Variants in CADPS2 observed in about 807,000 individuals in gnomAD.
CADPS2 encodes the protein calcium dependent secretion activator 2.
Under a neutral mutation model 172.5 loss-of-function variants are expected in CADPS2, and 93 were observed. The ratio of observed to expected loss-of-function variants is 0.54; its 90% CI spans 0.46 to 0.64. The LOEUF (loss-of-function observed/expected upper bound fraction) is 0.64, where lower values mean the gene tolerates loss of function less well. Ranked by LOEUF, CADPS2 falls within the 30% of genes least tolerant of loss-of-function variation. The pLI is 0.00. For synonymous variants in CADPS2, 546 were observed against 555.2 expected, an observed-to-expected ratio of 0.98 and a Z score of 0.23; for missense variants, 1,420 against 1,565.9, an observed-to-expected ratio of 0.91 and a Z score of 1.57.
At chr7:122,671,362 G>A (rs2081834753) in intron 2 of CADPS2, among the ~76,000 whole-genome samples, 1 of 152,170 alleles carries the variant, frequency 6.6e-6, no homozygotes, top group Non-Finnish European at 1.5e-5. Context: ...CCATGCACAT[G>A]TATAATTTAA....
At chr7:122,777,986 G>A (rs916927617) in intron 1 of CADPS2, among the ~76,000 whole-genome samples, 2 of 152,096 alleles carry the variant, frequency 1.3e-5, no homozygotes, top group African/African-American at 4.8e-5. Context: ...TAGTTCAGAG[G>A]GGTCAGAAGA....
chr7:122,828,550 G>C (rs890136132), intron 1 of CADPS2, among the ~76,000 whole-genome samples: 22 of 151,954 alleles, frequency 1.4e-4, no homozygotes, highest in African/African-American at 5.1e-4. Flanking sequence ...TACAATTTTT[G>C]TTTCAATAAA....
At chr7:122,596,814 A>G (rs1014108402) in intron 6 of CADPS2, among the ~76,000 whole-genome samples, 13 of 152,106 alleles carry the variant, frequency 8.5e-5, no homozygotes, top group Non-Finnish European at 1.9e-4. Context: ...GTTCCTTTAT[A>G]GCAACACAAA....
intron 3 of CADPS2, among the ~76,000 whole-genome samples, chr7:122,661,265 G>A (rs1244774305): frequency 2.6e-5 from 4 of 152,110 alleles, no homozygotes; most frequent in African/African-American, 9.7e-5. Context: ...TGTTGTTCAG[G>A]CCAACTCTGA....
chr7:122,590,335 T>C (rs1445141970), intron 6 of CADPS2, among the ~76,000 whole-genome samples: 2 of 151,948 alleles, frequency 1.3e-5, no homozygotes, highest in East Asian at 3.9e-4. Flanking sequence ...TATGGTCAAA[T>C]GTAATGCATA....
In CADPS2 at chr7:122,596,513, G is replaced by C. The variant is rs1325606671; in HGVS notation, c.1224-15223C>G. Among the ~76,000 whole-genome samples the C allele has an allele frequency of 7.2e-5, 11 of 152,218 alleles. No homozygotes were observed. The East Asian group carries it at 1.7e-3, about 24-fold the overall frequency. ...ACAGACTCTGGCCTTCGTGACTCGG[G>C]CTTGTGTTAAAAGGAAAAGCGTGAA... On this transcript the variant is annotated intron_variant, in intron 6 of 29. Coordinates refer to ENST00000449022, the MANE Select transcript of CADPS2 (RefSeq NM_017954.11).
At chr7:122,581,826 T>C (rs896542286) in intron 6 of CADPS2, among the ~76,000 whole-genome samples, 10 of 152,160 alleles carry the variant, frequency 6.6e-5, no homozygotes, top group African/African-American at 1.9e-4. Flanking sequence ...ATATGCATCA[T>C]AAGAATCTGA....
intron 17 of CADPS2, chr7:122,427,393 C>G (rs1201038190): frequency 6.6e-6 from 1 of 152,040 alleles, no homozygotes; most frequent in East Asian, 1.9e-4. Flanking sequence ...GGAAAATCAT[C>G]TAAGAAGTGA....
intron 6 of CADPS2, among the ~76,000 whole-genome samples, chr7:122,588,304 T>C (rs1163385210): frequency 1.3e-5 from 2 of 152,068 alleles, no homozygotes; most frequent in East Asian, 3.9e-4. Flanking sequence ...ATTGCCTACA[T>C]TTTCTTCTAG....
chr7:122,560,352 A>G (rs949455541), intron 7 of CADPS2, among the ~76,000 whole-genome samples: 3 of 152,184 alleles, frequency 2.0e-5, no homozygotes, highest in East Asian at 3.9e-4. Flanking sequence ...GTGTTTTGCT[A>G]AGCGTGTGTT....
At chr7:122,531,585 C>G (rs1369567281) in intron 8 of CADPS2, among the ~76,000 whole-genome samples, 1 of 152,168 alleles carries the variant, frequency 6.6e-6, no homozygotes, top group African/African-American at 2.4e-5. Context: ...TAAAACTGGT[C>G]TCAGTTGAGT....
chr7:122,760,277 C>T (rs1733780313), intron 1 of CADPS2, among the ~76,000 whole-genome samples: 1 of 151,848 alleles, frequency 6.6e-6, no homozygotes, highest in Non-Finnish European at 1.5e-5. Flanking sequence ...ACAGCAATCC[C>T]CAATTATAAA....
intron 2 of CADPS2, among the ~76,000 whole-genome samples, chr7:122,679,286 T>G (rs529495855): frequency 5.2e-5 from 4 of 77,398 alleles, no homozygotes; most frequent in East Asian, 4.6e-4. Context: ...GGCTCTAAAA[T>G]GGCCACCCTG....
chr7:122,598,957 C>T (rs1037199747), intron 6 of CADPS2, among the ~76,000 whole-genome samples: 1 of 151,898 alleles, frequency 6.6e-6, no homozygotes, highest in Admixed American at 6.6e-5. Flanking sequence ...TTACTGAAGC[C>T]CTCTGGGGAA....
intron 8 of CADPS2, among the ~76,000 whole-genome samples, chr7:122,553,808 G>C (rs1204309935): frequency 6.6e-6 from 1 of 152,110 alleles, no homozygotes; most frequent in African/African-American, 2.4e-5. Flanking sequence ...TCCATAGTAA[G>C]AAAAATGGCC....
chr7:122,814,950 A>G (rs1202732177), intron 1 of CADPS2, among the ~76,000 whole-genome samples: 2 of 152,102 alleles, frequency 1.3e-5, no homozygotes, highest in Non-Finnish European at 2.9e-5. Flanking sequence ...GTTTACTATA[A>G]CAAGCTGTGT....
intron 1 of CADPS2, among the ~76,000 whole-genome samples, chr7:122,867,251 T>A (rs2141407118): frequency 6.6e-6 from 1 of 152,250 alleles, no homozygotes; most frequent in East Asian, 1.9e-4. Context: ...AATATAAGCT[T>A]CAAAAGGGCT....
chr7:122,881,600 A>G (rs1000454228), intron 1 of CADPS2, among the ~76,000 whole-genome samples: 2 of 152,150 alleles, frequency 1.3e-5, no homozygotes, highest in Admixed American at 6.5e-5. Flanking sequence ...AAGGAGCACA[A>G]AAAAATGAAT....
chr7:122,744,022 C>T (rs913822784), intron 1 of CADPS2, among the ~76,000 whole-genome samples: 1 of 152,182 alleles, frequency 6.6e-6, no homozygotes, highest in African/African-American at 2.4e-5. Flanking sequence ...TAAATATGCC[C>T]ATCTAATTCT....
Sources: gnomAD v4.1 joint callset for allele counts (sites outside exome capture counted in the v4.1 genomes callset) on GRCh38, gnomAD v4.1.1 for gene constraint, MANE v1.5 for transcripts, NCBI Gene and HGNC (gene_info 2026-07-23, HGNC 2026-07-21) for gene names.